Variants in CDC42BPA observed in about 807,000 individuals in gnomAD.
CDC42BPA encodes serine/threonine-protein kinase MRCK alpha.
Under a neutral mutation model 223.5 loss-of-function variants are expected in CDC42BPA, and 80 were observed. The observed-to-expected ratio is 0.36, with a 90% confidence interval of 0.30 to 0.43. The LOEUF is 0.43. Among genes scored for constraint, CDC42BPA ranks in the 20% least tolerant of loss-of-function variants. The probability of loss-of-function intolerance (pLI) is 1.00; values close to 1 mark genes in which losing one functional copy is unlikely to be tolerated. For synonymous variants in CDC42BPA, 694 were observed against 718.6 expected, an observed-to-expected ratio of 0.97 and a Z score of 0.55; for missense variants, 1,743 against 2,099.9, an observed-to-expected ratio of 0.83 and a Z score of 3.32.
At chr1:227,286,449 T>A (rs761026552) in intron 1 of CDC42BPA, among the ~76,000 whole-genome samples, 2 of 152,202 alleles carry the variant, frequency 1.3e-5, no homozygotes, top group Non-Finnish European at 2.9e-5. Flanking sequence ...AGTAAATTCC[T>A]CGTCAGCTTG....
intron 5 of CDC42BPA, among the ~76,000 whole-genome samples, chr1:227,192,508 T>C (rs1162453133): frequency 1.3e-5 from 2 of 152,202 alleles, no homozygotes; most frequent in Admixed American, 1.3e-4. Flanking sequence ...AATGGTTTAG[T>C]TTATTTCTAA....
chr1:227,290,688 G>A (rs1450012547), intron 1 of CDC42BPA, among the ~76,000 whole-genome samples: 1 of 152,078 alleles, frequency 6.6e-6, no homozygotes. Flanking sequence ...GCTGAGAAAG[G>A]TATCATTTTA....
At chr1:227,111,564 A>C (rs990256212) in intron 14 of CDC42BPA, among the ~76,000 whole-genome samples, 1 of 152,142 alleles carries the variant, frequency 6.6e-6, no homozygotes, top group African/African-American at 2.4e-5. Flanking sequence ...GGCTCACTGC[A>C]ACCTCCACCT....
chr1:227,150,291 C>T (rs1447333068), intron 6 of CDC42BPA, among the ~76,000 whole-genome samples: 3 of 149,678 alleles, frequency 2.0e-5, no homozygotes, highest in Non-Finnish European at 1.5e-5. Flanking sequence ...CATGTCTATA[C>T]ACATTGGAAT....
At chr1:227,201,584 T>C (rs896764402) in intron 3 of CDC42BPA, among the ~76,000 whole-genome samples, 14 of 152,062 alleles carry the variant, frequency 9.2e-5, no homozygotes, top group African/African-American at 2.9e-4. Context: ...CATTGCCCAA[T>C]TGTTGTGTGC....
chr1:227,096,960 C>G (rs1444257461), intron 15 of CDC42BPA, among the ~76,000 whole-genome samples: 1 of 152,144 alleles, frequency 6.6e-6, no homozygotes, highest in Non-Finnish European at 1.5e-5. Flanking sequence ...GCTCAACACA[C>G]AGACAAGTTC....
In CDC42BPA at chr1:227,074,351, T is replaced by G; in HGVS notation, c.2494A>C (p.Lys832Gln). Residue 832 changes from lysine to glutamine, a missense_variant, in exon 18 of 37, where the codon AAG (lysine) becomes CAG (glutamine). Lys to Gln is a moderately conservative substitution (Grantham distance 53). Coordinates refer to ENST00000366766, the MANE Select transcript of CDC42BPA (RefSeq NM_001394014.1). The stretch of plus-strand genomic sequence containing the variant: ...GCCTGAAGATACCCTCGTGCATCCT[T>G]TTCATCGCTGACCCTAGAATATATA... ...TEIIQWVSDE[K>Q]DARGYLQALA... The G allele has an allele frequency of 3.1e-6, 5 of 1,612,492 alleles. No homozygotes were observed. The highest frequency in any genetic ancestry group is 4.2e-6 in the Non-Finnish European group (5 of 1,178,842).
intron 6 of CDC42BPA, among the ~76,000 whole-genome samples, chr1:227,148,901 GATA>G (rs1172609715): frequency 1.3e-5 from 2 of 151,466 alleles, no homozygotes; most frequent in Non-Finnish European, 2.9e-5. Context: ...TGAGAATCAG[GATA>G]ATAAGCATTA....
chr1:227,245,775 A>G (rs1016917950), intron 2 of CDC42BPA, among the ~76,000 whole-genome samples: 1 of 152,162 alleles, frequency 6.6e-6, no homozygotes, highest in African/African-American at 2.4e-5. Flanking sequence ...TCACCTGCTG[A>G]CTAAAGAGTT....
At chr1:227,172,016 T>C (rs926429353) in intron 5 of CDC42BPA, among the ~76,000 whole-genome samples, 3 of 152,340 alleles carry the variant, frequency 2.0e-5, no homozygotes, top group African/African-American at 7.2e-5. Context: ...AATACTTTTA[T>C]TTTCTAATTT....
intron 12 of CDC42BPA, among the ~76,000 whole-genome samples, chr1:227,119,155 C>T (rs559505832): frequency 3.9e-5 from 6 of 152,128 alleles, no homozygotes; most frequent in African/African-American, 1.4e-4. Context: ...GTATTAGTCC[C>T]AACATTTTTC....
chr1:227,109,753 T>C (rs1383653080), intron 14 of CDC42BPA, among the ~76,000 whole-genome samples: 1 of 151,798 alleles, frequency 6.6e-6, no homozygotes, highest in African/African-American at 2.4e-5. Flanking sequence ...TGTTAAAAAT[T>C]AAGACACAAA....
At chr1:227,175,647 T>C (rs1467925684) in intron 5 of CDC42BPA, among the ~76,000 whole-genome samples, 1 of 152,184 alleles carries the variant, frequency 6.6e-6, no homozygotes, top group Non-Finnish European at 1.5e-5. Context: ...TTTCTATTAT[T>C]ATCCCTATTA....
rs978938811 is a variant in CDC42BPA at position 227,311,209 on chromosome 1, T to C, written c.178+5796A>G. On this transcript the variant is annotated intron_variant, in intron 1 of 36. Coordinates refer to ENST00000366766, the MANE Select transcript of CDC42BPA (RefSeq NM_001394014.1). Reference sequence around the variant, plus strand: ...CATCTCCACACACACAAAAATTTTTTAATTAGCTGGGCATGGTGGCACATG... The same window carrying C: ...CATCTCCACACACACAAAAATTTTTCAATTAGCTGGGCATGGTGGCACATG... 2.6e-5 allele frequency among the ~76,000 whole-genome samples: 4 copies of C among 152,096 alleles called. 1 individual carries two copies. In the East Asian group the frequency reaches 5.8e-4, roughly 22 times the overall value.
At chr1:227,190,257 G>C (rs1233276136) in intron 5 of CDC42BPA, among the ~76,000 whole-genome samples, 2 of 152,128 alleles carry the variant, frequency 1.3e-5, no homozygotes, top group Admixed American at 6.6e-5. Flanking sequence ...GTTGTGCAAA[G>C]AACATAAATC....
chr1:227,222,456 G>A (rs1211962143), intron 2 of CDC42BPA, among the ~76,000 whole-genome samples: 2 of 148,214 alleles, frequency 1.3e-5, no homozygotes, highest in East Asian at 2.0e-4. Flanking sequence ...CCAAGACCAC[G>A]CCACTGCACT....
chr1:227,113,144 G>T (rs1398644270), intron 12 of CDC42BPA, among the ~76,000 whole-genome samples: 2 of 152,146 alleles, frequency 1.3e-5, no homozygotes, highest in Non-Finnish European at 2.9e-5. Flanking sequence ...TAACCTTATA[G>T]TACCTTAGTT....
At chr1:227,041,872 A>T (rs758120500) in intron 23 of CDC42BPA, among the ~76,000 whole-genome samples, 1 of 152,218 alleles carries the variant, frequency 6.6e-6, no homozygotes, top group Non-Finnish European at 1.5e-5. Context: ...CAGGGTACAG[A>T]CACTGTACCA....
At chr1:227,131,704 A>G (rs1025123415) in intron 10 of CDC42BPA, among the ~76,000 whole-genome samples, 2 of 152,230 alleles carry the variant, frequency 1.3e-5, no homozygotes, top group Non-Finnish European at 1.5e-5. Flanking sequence ...TGAGGCTTAC[A>G]ATATTGTGGA....
Sources: allele counts gnomAD v4.1 joint callset (sites outside exome capture counted in the v4.1 genomes callset), GRCh38; gene constraint gnomAD v4.1.1; transcripts MANE v1.5; gene names NCBI Gene and HGNC (gene_info 2026-07-23, HGNC 2026-07-21).